Variants in STK32C observed in about 807,000 individuals in gnomAD.
STK32C encodes serine/threonine-protein kinase 32C.
A neutral mutation model predicts 56.5 loss-of-function variants in STK32C; 31 were observed. The observed-to-expected ratio is 0.55, with a 90% CI of 0.41 to 0.74. STK32C has a LOEUF of 0.74. Among genes scored for constraint, STK32C ranks in the 30% least tolerant of loss-of-function variants. STK32C has a pLI of 0.00. For missense variants in STK32C, 544 were observed against 676.9 expected, an observed-to-expected ratio of 0.80 and a Z score of 2.18; for synonymous variants, 309 against 289.4, an observed-to-expected ratio of 1.07 and a Z score of -0.69.
chr10:132,245,892 T>C lies in STK32C; in HGVS notation c.318+8A>G. 1.2e-6 allele frequency: 2 copies of C among 1,612,290 alleles called. No homozygotes were observed. Among genetic ancestry groups the C allele is most frequent in the Non-Finnish European group, 1.7e-6 (2 of 1,179,852 alleles). ...TCAGCCCAGTCCCCACCCCAGGCCC[T>C]GCCTTACCTTGCCAAAGCTGCCCTT... On this transcript the variant is annotated splice_region_variant and intron_variant, in intron 2 of 11. Transcript: ENST00000298630.
intron 2 of STK32C, among the ~76,000 whole-genome samples, chr10:132,229,364 G>A (rs568515103): frequency 6.6e-5 from 10 of 152,294 alleles, no homozygotes; most frequent in African/African-American, 2.4e-4. Context: ...AAGCGTGGTG[G>A]CACACACCCG....
chr10:132,307,221 G>A lies in STK32C; in HGVS notation c.262+351C>T. Reference sequence around the variant, plus strand: ...CTCTCTAACTGCAAAGTACAAACGAGCCCGCACGTGGGCCCGAGCGGATCA... The same window carrying A: ...CTCTCTAACTGCAAAGTACAAACGAACCCGCACGTGGGCCCGAGCGGATCA... On this transcript the variant is annotated intron_variant, in intron 1 of 11. Transcript: ENST00000298630. The surrounding 1 kb of genome is among the most constrained non-coding windows in gnomAD (Gnocchi z 4.4). 5.5e-6 allele frequency: 1 copy of A among 183,150 alleles called. No individual in the cohort carries two copies. The highest frequency in any genetic ancestry group is 1.5e-4 in the East Asian group (1 of 6,604). 11.3% of individuals were successfully genotyped at this position (183,150 alleles called of 1,614,324 possible). A position where few individuals can be genotyped will look rare whatever the true frequency, so the allele number is the denominator to read the frequency against.
chr10:132,257,453 GAGAGGGGCA>G (rs779709792), intron 1 of STK32C, among the ~76,000 whole-genome samples: 1 of 152,058 alleles, frequency 6.6e-6, no homozygotes, highest in Non-Finnish European at 1.5e-5. Context: ...AGCTCCCAGG[GAGAGGGGCA>G]GAGCTGGAGG....
chr10:132,248,235 C>A (rs1190834471), intron 1 of STK32C, among the ~76,000 whole-genome samples: 1 of 152,258 alleles, frequency 6.6e-6, no homozygotes, highest in Admixed American at 6.5e-5. Flanking sequence ...AGCTGTGAAC[C>A]AGCACGTGGG....
At chr10:132,253,543 GTCGAGGGA>G in intron 1 of STK32C, among the ~76,000 whole-genome samples, 1 of 127,640 alleles carries the variant, frequency 7.8e-6, no homozygotes, top group South Asian at 2.6e-4. Context: ...GCTGGAGGGA[GTCGAGGGA>G]GCTGGAGGGA....
chr10:132,321,557 TG>T (rs2066407533), downstream of STK32C, among the ~76,000 whole-genome samples: 1 of 152,160 alleles, frequency 6.6e-6, no homozygotes, highest in South Asian at 2.1e-4. Flanking sequence ...GGGCCGGGCA[TG>T]GTCGTTCATG....
At chr10:132,322,350 C>T (rs2066426628), downstream of STK32C, among the ~76,000 whole-genome samples, 1 of 152,162 alleles carries the variant, frequency 6.6e-6, no homozygotes, top group Non-Finnish European at 1.5e-5. Context: ...ATGTAAGAGT[C>T]GCCAGTATCT....
chr10:132,295,110 C>T (rs552273431), intron 1 of STK32C, among the ~76,000 whole-genome samples: 16 of 152,252 alleles, frequency 1.1e-4, no homozygotes, highest in South Asian at 8.3e-4. Context: ...AGCAGGTGCA[C>T]GGAAAACACG....
chr10:132,210,090 C>T (rs181690387), intron 10 of STK32C, among the ~76,000 whole-genome samples: 3 of 151,862 alleles, frequency 2.0e-5, no homozygotes, highest in Non-Finnish European at 2.9e-5. Flanking sequence ...TACGGGACCA[C>T]CCCCCCATGC....
chr10:132,268,489 G>GCA (rs2064680856), intron 1 of STK32C, among the ~76,000 whole-genome samples: 1 of 150,396 alleles, frequency 6.6e-6, no homozygotes. Flanking sequence ...GTCGGTGTGT[G>GCA]TGCATGCCTG....
At chr10:132,208,268 C>T in intron 11 of STK32C, 117 bp from the exon 12 acceptor site, 1 of 1,187,004 alleles carries the variant, frequency 8.4e-7, no homozygotes, top group East Asian at 3.1e-5. Context: ...AAACGTGGGC[C>T]ACAGGCTCGG....
At chr10:132,274,849 C>T (rs2064950090) in intron 1 of STK32C, among the ~76,000 whole-genome samples, 2 of 152,226 alleles carry the variant, frequency 1.3e-5, no homozygotes, top group Admixed American at 6.5e-5. Context: ...CACCCAGGGA[C>T]GTGGCAAGGC....
chr10:132,257,713 C>G (rs1386347765), intron 1 of STK32C, among the ~76,000 whole-genome samples: 1 of 151,802 alleles, frequency 6.6e-6, no homozygotes, highest in African/African-American at 2.4e-5. Context: ...GCCTGACACC[C>G]CCACAATCCT....
upstream of STK32C, among the ~76,000 whole-genome samples, chr10:132,308,325 T>G (rs565765576): frequency 9.9e-5 from 15 of 152,252 alleles, no homozygotes; most frequent in African/African-American, 2.9e-4. Flanking sequence ...CGGGGACTGC[T>G]GTGCCCGGCA....
At chr10:132,303,592 C>T (rs993563875) in intron 1 of STK32C, among the ~76,000 whole-genome samples, 2 of 152,220 alleles carry the variant, frequency 1.3e-5, no homozygotes, top group Non-Finnish European at 1.5e-5. Context: ...GGACACATGC[C>T]GCTAACAAGC....
chr10:132,275,102 G>A (rs1308342185), intron 1 of STK32C, among the ~76,000 whole-genome samples: 1 of 152,166 alleles, frequency 6.6e-6, no homozygotes, highest in Non-Finnish European at 1.5e-5. Flanking sequence ...CACCCAGGGG[G>A]CCCAGGCAGC....
intron 1 of STK32C, among the ~76,000 whole-genome samples, chr10:132,263,169 A>G (rs76879737): frequency 0.095 from 14,481 of 152,306 alleles, 1,042 homozygotes; most frequent in East Asian, 0.24. Flanking sequence ...TAATCACAAC[A>G]GCAATGACGT....
intron 1 of STK32C, among the ~76,000 whole-genome samples, chr10:132,283,325 C>T (rs1564775813): frequency 2.0e-5 from 3 of 152,238 alleles, no homozygotes; most frequent in Admixed American, 1.3e-4. Context: ...TGGCACAACC[C>T]GCCCTGTGAA....
intron 8 of STK32C, among the ~76,000 whole-genome samples, chr10:132,223,626 A>G (rs7900151): frequency 0.056 from 8,504 of 151,724 alleles, 477 homozygotes; most frequent in East Asian, 0.22. Flanking sequence ...GAGTTAAGAG[A>G]CTCTCGGGGC....
Sources: allele counts gnomAD v4.1 joint callset (sites outside exome capture counted in the v4.1 genomes callset), GRCh38; gene constraint gnomAD v4.1.1; non-coding constraint Gnocchi (gnomAD v3.1); transcripts MANE v1.5; gene names NCBI Gene and HGNC (gene_info 2026-07-23, HGNC 2026-07-21).